The following FAM117A variants were observed in gnomAD, a reference collection of about 807,000 sequenced individuals.
FAM117A encodes the protein protein FAM117A.
A neutral mutation model predicts 44.1 loss-of-function variants in FAM117A; 21 were observed. That is an observed-to-expected ratio of 0.48 (90% CI 0.34 to 0.69). The LOEUF (loss-of-function observed/expected upper bound fraction) is 0.69, where lower values mean the gene tolerates loss of function less well. FAM117A is among the 30% of genes least tolerant of loss of function. The probability of loss-of-function intolerance (pLI) is 0.01; values close to 1 mark genes in which losing one functional copy is unlikely to be tolerated. For synonymous variants in FAM117A, 220 were observed against 238.3 expected (o/e 0.92, Z 0.71); for missense variants, 498 against 589.9 (o/e 0.84, Z 1.61).
intron 1 of FAM117A, among the ~76,000 whole-genome samples, chr17:49,777,091 G>T (rs2073777422): frequency 6.6e-6 from 1 of 152,216 alleles, no homozygotes; most frequent in Non-Finnish European, 1.5e-5. Flanking sequence ...CTGCTGGAAA[G>T]AGTGGCTGGC....
intron 1 of FAM117A, among the ~76,000 whole-genome samples, chr17:49,757,709 G>T (rs919364355): frequency 6.6e-6 from 1 of 152,196 alleles, no homozygotes; most frequent in Non-Finnish European, 1.5e-5. Context: ...CTGAGATCAG[G>T]ATTTGTTTTT....
intron 7 of FAM117A, among the ~76,000 whole-genome samples, chr17:49,712,100 C>T (rs1490333458): frequency 6.6e-6 from 1 of 152,178 alleles, no homozygotes; most frequent in African/African-American, 2.4e-5. Context: ...AAGCCAAGAT[C>T]GTGCCATTGC....
rs2143704240 is a variant in FAM117A, at chr17:49,720,354, C to T, written c.545G>A (p.Gly182Glu). ...KEKERGSPLLGDHAVRGALRA... is the reference protein window; with the variant it reads ...KEKERGSPLLEDHAVRGALRA... ...CAGTGCTCCCCGCACTGCGTGGTCC[C>T]CTAGGAGTGGTGAACCTCGCTCCTT... Residue 182 changes from glycine to glutamate, a missense_variant, in exon 4 of 8, where the codon GGG becomes GAG. This residue lies in a region of FAM117A where 270 missense variants were observed against 277.4 expected (regional missense o/e 0.97). Transcript: ENST00000240364. 1 of 1,613,864 alleles carries T rather than the reference C, an allele frequency of 6.2e-7. No individual in the cohort carries two copies. The highest frequency in any genetic ancestry group is 1.3e-5 in the African/African-American group (1 of 75,046).
At chr17:49,733,878 C>CGAG (rs1274448724) in intron 1 of FAM117A, among the ~76,000 whole-genome samples, 1 of 151,924 alleles carries the variant, frequency 6.6e-6, no homozygotes, top group Non-Finnish European at 1.5e-5. Context: ...CGTGGTGGCT[C>CGAG]AAGCCTGTAA....
rs990139127 is a variant in FAM117A at position 49,735,573 on chromosome 17, T to C, written c.197-2853A>G. On this transcript the variant is annotated intron_variant, in intron 1 of 7. Coordinates refer to ENST00000240364, the MANE Select transcript of FAM117A (RefSeq NM_030802.4). ...ACATATTTGTTATTTTAAAAGACTA[T>C]ATAATATTCCTCCAGGTTGATGTAC... Among the ~76,000 whole-genome samples the C allele has an allele frequency of 3.3e-5, 5 of 152,206 alleles. No individual in the cohort carries two copies. The East Asian group carries it at 5.8e-4, about 18-fold the overall frequency.
Position 49,743,305 on chromosome 17 carries a change from T to A in FAM117A, c.197-10585A>T, listed in dbSNP as rs190320435. Among the ~76,000 whole-genome samples the A allele has an allele frequency of 5.0e-3, 757 of 152,038 alleles. 11 individuals carry two copies. Among genetic ancestry groups the A allele is most frequent in the Middle Eastern group, 6.8e-3 (2 of 294 alleles). On this transcript the variant is annotated intron_variant, in intron 1 of 7. Transcript: ENST00000240364. ...AGGTAGGAAGAGAACAATTTAAAAA[T>A]CAGGGATTGGCCAGGAGTGGTGGTT... is the stretch of plus-strand genomic sequence containing the variant.
chr17:49,779,198 G>T, intron 1 of FAM117A, among the ~76,000 whole-genome samples: 1 of 152,218 alleles, frequency 6.6e-6, no homozygotes, highest in East Asian at 1.9e-4. Flanking sequence ...GACACTGAAG[G>T]CCAGGGAAGG....
At chr17:49,756,233 C>T (rs959495055) in intron 1 of FAM117A, among the ~76,000 whole-genome samples, 2 of 152,046 alleles carry the variant, frequency 1.3e-5, no homozygotes, top group East Asian at 1.9e-4. Context: ...CCTCACCAAA[C>T]ACTGAGTATT....
intron 1 of FAM117A, among the ~76,000 whole-genome samples, chr17:49,783,495 C>A (rs2073796211): frequency 6.6e-6 from 1 of 151,866 alleles, no homozygotes; most frequent in African/African-American, 2.4e-5. Context: ...AGGCAGGGAG[C>A]TGTGCCTGAG....
chr17:49,753,973 A>G (rs1473825563), intron 1 of FAM117A, among the ~76,000 whole-genome samples: 2 of 152,158 alleles, frequency 1.3e-5, no homozygotes, highest in Non-Finnish European at 2.9e-5. Context: ...AAGAGTCCAG[A>G]TGCTGCTCTC....
intron 1 of FAM117A, among the ~76,000 whole-genome samples, chr17:49,759,531 C>A (rs1332490203): frequency 6.6e-6 from 1 of 152,168 alleles, no homozygotes; most frequent in Non-Finnish European, 1.5e-5. Context: ...TTTAACTGCA[C>A]CCCCAGGCCT....
intron 2 of FAM117A, among the ~76,000 whole-genome samples, chr17:49,725,727 AC>A (rs1309696613): frequency 4.9e-4 from 74 of 152,200 alleles, no homozygotes; most frequent in Admixed American, 4.8e-3. Context: ...AGGTTAAAAA[AC>A]AGCTCCTCAA....
chr17:49,720,791 C>G (rs933794695), intron 3 of FAM117A, among the ~76,000 whole-genome samples: 2 of 152,002 alleles, frequency 1.3e-5, no homozygotes, highest in Non-Finnish European at 2.9e-5. Context: ...GCGATCTCGG[C>G]TCACTGCAAC....
intron 1 of FAM117A, among the ~76,000 whole-genome samples, chr17:49,744,904 C>G (rs990635424): frequency 6.7e-6 from 1 of 150,218 alleles, no homozygotes; most frequent in African/African-American, 2.4e-5. Flanking sequence ...GGCCCAACTA[C>G]TCTGGAGGCT....
At chr17:49,737,717 TC>T (rs1377262184) in intron 1 of FAM117A, among the ~76,000 whole-genome samples, 1 of 152,224 alleles carries the variant, frequency 6.6e-6, no homozygotes, top group Non-Finnish European at 1.5e-5. Context: ...TGTGCTGTAA[TC>T]TTTTACTCTC....
chr17:49,722,548 C>T lies in FAM117A; in HGVS notation c.413G>A (p.Cys138Tyr), dbSNP rs1284314415. The change falls in exon 3 of 8, where the codon TGT becomes TAT. Residue 138 changes from cysteine to tyrosine, a missense_variant. Physicochemically the swap from Cys to Tyr is radical, Grantham distance 194 (BLOSUM62 -2). Transcript: ENST00000240364. ...CCAGGATGCTGAGCGCTTGTGTGCA[C>T]AGGAACTGGCACGCTCACCTTCTAG... ...QELEGERASS[C>Y]AHKRSASWGS... The T allele has an allele frequency of 6.2e-7, 1 of 1,613,926 alleles. No homozygotes were observed. Among genetic ancestry groups the T allele is most frequent in the East Asian group, 2.2e-5 (1 of 44,892 alleles).
chr17:49,730,534 G>A (rs2073580360), intron 2 of FAM117A, among the ~76,000 whole-genome samples: 1 of 152,184 alleles, frequency 6.6e-6, no homozygotes, highest in African/African-American at 2.4e-5. Flanking sequence ...AGAAATAGGT[G>A]GGCTACACAG....
chr17:49,750,438 A>G (rs1289971468), intron 1 of FAM117A, among the ~76,000 whole-genome samples: 1 of 148,968 alleles, frequency 6.7e-6, no homozygotes, highest in Non-Finnish European at 1.5e-5. Context: ...TTTCTTTGCC[A>G]ACAATGCAAA....
chr17:49,740,854 A>G (rs1203998070), intron 1 of FAM117A, among the ~76,000 whole-genome samples: 1 of 152,248 alleles, frequency 6.6e-6, no homozygotes, highest in African/African-American at 2.4e-5. Flanking sequence ...GAAGAAGGGC[A>G]GGAATGGCAT....
Sources: allele counts gnomAD v4.1 joint callset (sites outside exome capture counted in the v4.1 genomes callset), GRCh38; gene constraint gnomAD v4.1.1; regional missense constraint gnomAD v4.1.1; transcripts MANE v1.5; gene names NCBI Gene and HGNC (gene_info 2026-07-23, HGNC 2026-07-21).